SYT16: variants seen among roughly 807,000 people sequenced by gnomAD.
SYT16 encodes the protein synaptotagmin 16.
SYT16 carries 42 observed loss-of-function variants against 61.4 expected under a neutral mutation model. The ratio of observed to expected loss-of-function variants is 0.68; its 90% CI spans 0.53 to 0.89. SYT16 has a LOEUF of 0.89. Among genes scored for constraint, SYT16 ranks in the 40% least tolerant of loss-of-function variants. SYT16 has a pLI of 0.00. For synonymous variants in SYT16, 314 were observed against 302.3 expected, an observed-to-expected ratio of 1.04 and a Z score of -0.40; for missense variants, 804 against 807.3, an observed-to-expected ratio of 1.00 and a Z score of 0.05.
chr14:62,012,713 AT>A (rs577530384), intron 3 of SYT16, among the ~76,000 whole-genome samples: 9 of 151,580 alleles, frequency 5.9e-5, no homozygotes, highest in Non-Finnish European at 1.2e-4. Context: ...ACTCTTATAG[AT>A]TTTTTTTTAG....
At chr14:61,878,358 C>T (rs185180073) in intron 1 of SYT16, among the ~76,000 whole-genome samples, 92 of 152,176 alleles carry the variant, frequency 6.0e-4, no homozygotes, top group African/African-American at 2.0e-3. Context: ...CAGGTTGATC[C>T]GGAAATCTCA....
At chr14:61,845,534 T>A (rs1326781023) in intron 1 of SYT16, among the ~76,000 whole-genome samples, 2 of 152,224 alleles carry the variant, frequency 1.3e-5, no homozygotes, top group Non-Finnish European at 2.9e-5. Flanking sequence ...GCAGTATCAG[T>A]TGTAATGTCT....
intron 7 of SYT16, among the ~76,000 whole-genome samples, chr14:62,099,064 G>A (rs1235197565): frequency 3.3e-5 from 5 of 152,186 alleles, no homozygotes; most frequent in African/African-American, 1.2e-4. Flanking sequence ...AATGGCAGCA[G>A]TGGTAAGCAA....
intron 7 of SYT16, among the ~76,000 whole-genome samples, chr14:62,091,844 A>G (rs1007182302): frequency 2.0e-5 from 3 of 152,230 alleles, no homozygotes. Context: ...CAAAATTAAA[A>G]ATAGACAACT....
intron 1 of SYT16, among the ~76,000 whole-genome samples, chr14:61,818,668 ACT>A (rs986666167): frequency 2.1e-5 from 3 of 142,490 alleles, no homozygotes; most frequent in Admixed American, 7.3e-5. Context: ...ACACAGTGAG[ACT>A]CTGTCTCAAA....
chr14:61,904,804 C>T (rs1288045612), intron 1 of SYT16, among the ~76,000 whole-genome samples: 3 of 152,150 alleles, frequency 2.0e-5, no homozygotes, highest in South Asian at 2.1e-4. Context: ...ATGAATTTTC[C>T]CTTTGTCTTT....
chr14:61,983,495 C>G (rs1394634285), intron 2 of SYT16, among the ~76,000 whole-genome samples: 3 of 152,044 alleles, frequency 2.0e-5, no homozygotes, highest in Non-Finnish European at 4.4e-5. Context: ...GTTCTTGATA[C>G]TTTTGAACAA....
rs999138193 is a variant in SYT16 at position 62,103,779 on chromosome 14, C to T, written c.*3072C>T. 3.9e-5 allele frequency: 6 copies of T among 152,144 alleles called. No individual in the cohort carries two copies. Among genetic ancestry groups the T allele is most frequent in the African/African-American group, 1.4e-4 (6 of 41,430 alleles). 9.4% of individuals were successfully genotyped at this position (152,144 alleles called of 1,614,324 possible). On this transcript the variant is annotated 3_prime_UTR_variant, in exon 8 of 8. Transcript: ENST00000683842. The stretch of plus-strand genomic sequence containing the variant: ...TGTAATGTCTTTGGATGTGGCATTC[C>T]ACCTGCATGAAATCAGGAAAAGAAT...
intron 1 of SYT16, among the ~76,000 whole-genome samples, chr14:61,856,322 G>T (rs947347726): frequency 3.9e-5 from 6 of 152,220 alleles, no homozygotes; most frequent in Admixed American, 1.3e-4. Context: ...GACAACAGAT[G>T]ATGGCAGCAG....
chr14:62,022,520 C>T (rs1168165432), intron 3 of SYT16, among the ~76,000 whole-genome samples: 1 of 151,882 alleles, frequency 6.6e-6, no homozygotes, highest in Non-Finnish European at 1.5e-5. Context: ...ATCTTGATTT[C>T]GTGTTTGATG....
intron 2 of SYT16, among the ~76,000 whole-genome samples, chr14:61,981,241 A>T (rs1354979779): frequency 6.6e-6 from 1 of 152,164 alleles, no homozygotes; most frequent in Non-Finnish European, 1.5e-5. Context: ...TTTAATTATT[A>T]ATCTCATCTA....
At chr14:61,885,193 G>A (rs2047854631) in intron 1 of SYT16, among the ~76,000 whole-genome samples, 1 of 152,164 alleles carries the variant, frequency 6.6e-6, no homozygotes, top group South Asian at 2.1e-4. Flanking sequence ...AAGATCATGG[G>A]CTCTTGAACC....
At chr14:61,828,520 T>C (rs1202923801) in intron 1 of SYT16, among the ~76,000 whole-genome samples, 1 of 152,224 alleles carries the variant, frequency 6.6e-6, no homozygotes, top group Non-Finnish European at 1.5e-5. Context: ...CTTTTGATCT[T>C]GAAGGACATT....
Position 61,983,206 on chromosome 14 carries a change from C to A in SYT16, c.-144-12670C>A, listed in dbSNP as rs553196357. Among the ~76,000 whole-genome samples, 38 of 152,192 alleles carry A rather than the reference C, an allele frequency of 2.5e-4. No individual in the cohort carries two copies. The South Asian group carries it at 7.7e-3, about 31-fold the overall frequency. On this transcript the variant is annotated intron_variant, in intron 2 of 7. Coordinates refer to ENST00000683842, the MANE Select transcript of SYT16 (RefSeq NM_001367656.1). ...TTTTGGAGTAATAGGTTTAAAATTT[C>A]ATTATTTTTCTTAGCCTGACAGATT...
At chr14:61,937,209 GA>G (rs1478068137) in intron 1 of SYT16, among the ~76,000 whole-genome samples, 4 of 152,224 alleles carry the variant, frequency 2.6e-5, no homozygotes, top group African/African-American at 9.6e-5. Context: ...AGTTCATCAT[GA>G]TTTTTAAAGT....
At chr14:61,822,067 C>T (rs2045635297) in intron 1 of SYT16, among the ~76,000 whole-genome samples, 3 of 152,166 alleles carry the variant, frequency 2.0e-5, no homozygotes, top group African/African-American at 7.2e-5. Flanking sequence ...ACCAGAGAAG[C>T]CAGTGGCATG....
chr14:61,947,508 A>G (rs1479696749), intron 1 of SYT16, among the ~76,000 whole-genome samples: 1 of 152,150 alleles, frequency 6.6e-6, no homozygotes, highest in African/African-American at 2.4e-5. Flanking sequence ...TTATGGGATT[A>G]ATTTTCTTGA....
chr14:61,882,716 C>T (rs2761863), intron 1 of SYT16, among the ~76,000 whole-genome samples: 17,323 of 152,170 alleles, frequency 0.11, 1,504 homozygotes, highest in African/African-American at 0.24. Flanking sequence ...TCCAAAGTCT[C>T]ATCTGAGACA....
intron 1 of SYT16, among the ~76,000 whole-genome samples, chr14:61,943,120 C>A (rs935277733): frequency 6.6e-6 from 1 of 152,008 alleles, no homozygotes. Context: ...ACAAATAAAC[C>A]AGGAAATCTA....
Sources: gnomAD v4.1 joint callset for allele counts (sites outside exome capture counted in the v4.1 genomes callset) on GRCh38, gnomAD v4.1.1 for gene constraint, MANE v1.5 for transcripts, NCBI Gene and HGNC (gene_info 2026-07-23, HGNC 2026-07-21) for gene names.